BTLA: variants seen among roughly 807,000 people sequenced by gnomAD.
BTLA encodes B- and T-lymphocyte attenuator.
Under a neutral mutation model 25.0 loss-of-function variants are expected in BTLA, and 11 were observed. That is an observed-to-expected ratio of 0.44 (90% CI 0.28 to 0.73). The LOEUF is 0.73. Ranked by LOEUF, BTLA falls within the 30% of genes least tolerant of loss-of-function variation. BTLA has a pLI of 0.15. For missense variants in BTLA, 282 were observed against 332.8 expected, an observed-to-expected ratio of 0.85 and a Z score of 1.19; for synonymous variants, 104 against 119.8, an observed-to-expected ratio of 0.87 and a Z score of 0.86.
intron 1 of BTLA, among the ~76,000 whole-genome samples, chr3:112,484,578 G>T (rs1044464677): frequency 6.6e-6 from 1 of 152,118 alleles, no homozygotes; most frequent in Non-Finnish European, 1.5e-5. Flanking sequence ...ACCACTTCTA[G>T]CCTGCAATTT....
intron 1 of BTLA, among the ~76,000 whole-genome samples, chr3:112,498,149 T>C (rs560363320): frequency 6.6e-6 from 1 of 152,322 alleles, no homozygotes; most frequent in East Asian, 1.9e-4. Context: ...GATGAATAGA[T>C]AGCTCGTTCT....
At chr3:112,481,957 C>G (rs1050497027) in intron 1 of BTLA, among the ~76,000 whole-genome samples, 5 of 152,108 alleles carry the variant, frequency 3.3e-5, no homozygotes, top group African/African-American at 9.7e-5. Flanking sequence ...TTCTGCTTTC[C>G]GTAAAGTCCT....
intron 1 of BTLA, among the ~76,000 whole-genome samples, chr3:112,494,694 A>G (rs912742308): frequency 1.3e-5 from 2 of 152,328 alleles, no homozygotes; most frequent in African/African-American, 4.8e-5. Flanking sequence ...CATAAGTGGA[A>G]GTTGAAAATG....
intron 1 of BTLA, among the ~76,000 whole-genome samples, chr3:112,480,754 C>A (rs1273063986): frequency 6.6e-6 from 1 of 152,170 alleles, no homozygotes; most frequent in East Asian, 1.9e-4. Flanking sequence ...AATAAAATTT[C>A]AACATGAATT....
intron 4 of BTLA, among the ~76,000 whole-genome samples, 129 bp downstream of exon 4, chr3:112,469,603 CTATGTATATATATATATATATATATA>C (rs1172128557): frequency 2.4e-5 from 1 of 41,054 alleles, no homozygotes; most frequent in African/African-American, 1.1e-4. Context: ...AAAAATGGGT[CTATGTATATATATATATATATATATA>C]TATATATATA....
intron 1 of BTLA, among the ~76,000 whole-genome samples, chr3:112,496,759 T>C (rs1420540293): frequency 6.6e-6 from 1 of 152,092 alleles, no homozygotes; most frequent in Admixed American, 6.6e-5. Flanking sequence ...TTCACTCAAG[T>C]CTTTCCCTTT....
rs984073124 is a variant in BTLA, at chr3:112,464,422, G to A, written c.*1686C>T. 3.0e-6 allele frequency: 1 copy of A among 336,484 alleles called. No individual in the cohort carries two copies. The highest frequency in any genetic ancestry group is 2.1e-5 in the African/African-American group (1 of 47,634). The allele number at this position is 336,484 out of a possible 1,614,324, so 20.8% of individuals were successfully genotyped here. A position where few individuals can be genotyped will look rare whatever the true frequency, so the allele number is the denominator to read the frequency against. On this transcript the variant is annotated 3_prime_UTR_variant, in exon 5 of 5. Coordinates refer to ENST00000334529, the MANE Select transcript of BTLA (RefSeq NM_181780.4). ...TCTATTTTTAAGAATACCACAAGCA[G>A]CTATTCTAACATGTCTTTCTTACAT...
At chr3:112,495,511 G>A (rs1352904142) in intron 1 of BTLA, among the ~76,000 whole-genome samples, 2 of 152,128 alleles carry the variant, frequency 1.3e-5, no homozygotes, top group African/African-American at 2.4e-5. Flanking sequence ...CTCTGTGATA[G>A]GAAAAGTATA....
chr3:112,493,491 G>A (rs958763329), intron 1 of BTLA, among the ~76,000 whole-genome samples: 5 of 152,016 alleles, frequency 3.3e-5, no homozygotes, highest in Non-Finnish European at 7.4e-5. Context: ...GTGGGCAAAG[G>A]ATATGAACAC....
At chr3:112,466,616 A>T (rs2082229008) in intron 4 of BTLA, among the ~76,000 whole-genome samples, 2 of 152,220 alleles carry the variant, frequency 1.3e-5, no homozygotes, top group Non-Finnish European at 2.9e-5. Context: ...GTGCTTTATT[A>T]CTGGTCACTT....
intron 1 of BTLA, among the ~76,000 whole-genome samples, chr3:112,492,466 A>G (rs1435324694): frequency 3.9e-5 from 6 of 152,206 alleles, no homozygotes; most frequent in Non-Finnish European, 7.4e-5. Flanking sequence ...TTGATCAGAA[A>G]CCAACATGAG....
chr3:112,496,389 A>C (rs191551419), intron 1 of BTLA, among the ~76,000 whole-genome samples: 2 of 152,322 alleles, frequency 1.3e-5, no homozygotes, highest in African/African-American at 2.4e-5. Context: ...TGTAATAAAG[A>C]AGGACCTTAA....
intron 2 of BTLA, among the ~76,000 whole-genome samples, chr3:112,478,925 G>A (rs1387384898): frequency 6.6e-6 from 1 of 152,080 alleles, no homozygotes; most frequent in Non-Finnish European, 1.5e-5. Flanking sequence ...ATGAAGCTCT[G>A]AATATTCCCA....
Position 112,471,199 on chromosome 3 carries a change from A to G in BTLA, c.547+13T>C. On this transcript the variant is annotated intron_variant, in intron 3 of 4. Coordinates refer to ENST00000334529, the MANE Select transcript of BTLA (RefSeq NM_181780.4). Reference sequence around the variant, plus strand: ...ATGTGTGGTACTGGGGGCAGAGGGAAAATAGAACCCACCTTGGTGCCTTCT... The same window carrying G: ...ATGTGTGGTACTGGGGGCAGAGGGAGAATAGAACCCACCTTGGTGCCTTCT... 3 of 1,613,420 alleles carry G rather than the reference A, an allele frequency of 1.9e-6. No homozygotes were observed. The highest frequency in any genetic ancestry group is 2.5e-6 in the Non-Finnish European group (3 of 1,179,608).
chr3:112,497,094 A>T (rs1049029209), intron 1 of BTLA, among the ~76,000 whole-genome samples: 2 of 152,220 alleles, frequency 1.3e-5, no homozygotes, highest in Non-Finnish European at 2.9e-5. Flanking sequence ...AATATATTGT[A>T]CTTATTTATT....
At chr3:112,498,959 G>T (rs1451582232) in intron 1 of BTLA, among the ~76,000 whole-genome samples, 2 of 152,158 alleles carry the variant, frequency 1.3e-5, no homozygotes, top group Non-Finnish European at 2.9e-5. Context: ...GAGCATTTTT[G>T]CAAGAAGTAG....
At chr3:112,479,407 G>A in intron 2 of BTLA, 48 bp downstream of exon 2, 1 of 1,520,406 alleles carries the variant, frequency 6.6e-7, no homozygotes, top group Non-Finnish European at 8.9e-7. Context: ...CCTCTTCCTG[G>A]AAACATTATA....
intron 1 of BTLA, among the ~76,000 whole-genome samples, chr3:112,496,071 T>C (rs973469167): frequency 6.6e-6 from 1 of 152,166 alleles, no homozygotes; most frequent in Non-Finnish European, 1.5e-5. Flanking sequence ...TTCTGCATCA[T>C]ATATGGTGTT....
chr3:112,464,821 A>AT lies in BTLA; in HGVS notation c.*1286_*1287insA, dbSNP rs1232924399. On this transcript the variant is annotated 3_prime_UTR_variant, in exon 5 of 5. Coordinates refer to ENST00000334529, the MANE Select transcript of BTLA (RefSeq NM_181780.4). ...CTAACACACACACACACACACACAC[A>AT]CACACACATCACATTCCTTTGTGCA... 1 of 151,898 alleles carries AT rather than the reference A, an allele frequency of 6.6e-6. No individual in the cohort carries two copies. Among genetic ancestry groups the AT allele is most frequent in the Non-Finnish European group, 1.5e-5 (1 of 68,004 alleles). 9.4% of individuals were successfully genotyped at this position (151,898 alleles called of 1,614,324 possible). A position where few individuals can be genotyped will look rare whatever the true frequency, so the allele number is the denominator to read the frequency against.
Sources: gnomAD v4.1 joint callset for allele counts (sites outside exome capture counted in the v4.1 genomes callset) on GRCh38, gnomAD v4.1.1 for gene constraint, MANE v1.5 for transcripts, NCBI Gene and HGNC (gene_info 2026-07-23, HGNC 2026-07-21) for gene names.